Variants in KLF6 observed in about 807,000 individuals in gnomAD.
KLF6 encodes Krueppel-like factor 6.
For missense variants in KLF6, 233 were observed against 359.8 expected, an observed-to-expected ratio of 0.65 and a Z score of 2.85; for synonymous variants, 152 against 147.9, an observed-to-expected ratio of 1.03 and a Z score of -0.20.
chr10:3,781,363 G>A lies in KLF6; in HGVS notation c.676+278C>T, dbSNP rs115506527. Reference sequence around the variant, plus strand: ...CGGATCCCCAGCACTACTAAGGGGTGGGGGGTGGAGGTTTGGGTGTCCGTG... The same window carrying A: ...CGGATCCCCAGCACTACTAAGGGGTAGGGGGTGGAGGTTTGGGTGTCCGTG... On this transcript the variant is annotated intron_variant, in intron 2 of 3. Transcript: ENST00000497571. This position sits in a 1 kb window ranked among gnomAD's most constrained non-coding sequence, Gnocchi z 5.8. 517 of 1,405,834 alleles carry A rather than the reference G, an allele frequency of 3.7e-4. No individual in the cohort carries two copies. The highest frequency in any genetic ancestry group is 4.7e-4 in the Non-Finnish European group (496 of 1,062,294). The allele number at this position is 1,405,834 out of a possible 1,614,324, so 87.1% of individuals were successfully genotyped here.
At position 3,781,163 on chromosome 10, in the gene KLF6, T is replaced by C. The variant is rs1832509124; in HGVS notation, c.676+478A>G. 6.8e-6 allele frequency: 2 copies of C among 295,360 alleles called. No homozygotes were observed. Among genetic ancestry groups the C allele is most frequent in the South Asian group, 1.6e-4 (2 of 12,744 alleles). The allele number at this position is 295,360 out of a possible 1,614,324, so 18.3% of individuals were successfully genotyped here. ...TTCTCAGGAAACACTCGCTGATCAA[T>C]GCTGCTGCTTACAGAGCAGGCCGGT... On this transcript the variant is annotated intron_variant, in intron 2 of 3. Coordinates refer to ENST00000497571, the MANE Select transcript of KLF6 (RefSeq NM_001300.6). The surrounding 1 kb of genome is among the most constrained non-coding windows in gnomAD (Gnocchi z 5.8).
rs1301719862 is a variant in KLF6, at chr10:3,778,895, A to C, written c.*644T>G. 1.9e-6 allele frequency: 1 copy of C among 534,424 alleles called. No individual in the cohort carries two copies. The highest frequency in any genetic ancestry group is 3.6e-6 in the Non-Finnish European group (1 of 276,498). The allele number at this position is 534,424 out of a possible 1,614,324, so 33.1% of individuals were successfully genotyped here. On this transcript the variant is annotated 3_prime_UTR_variant, in exon 4 of 4. Coordinates refer to ENST00000497571, the MANE Select transcript of KLF6 (RefSeq NM_001300.6). ...AAGCTACTTGACACATTGCACATTT[A>C]ATAGCTGCACCAGACACTAAGAGTT...
At chr10:3,784,372 A>C (rs1832599772) in intron 1 of KLF6, among the ~76,000 whole-genome samples, 1 of 152,194 alleles carries the variant, frequency 6.6e-6, no homozygotes, top group Non-Finnish European at 1.5e-5. Flanking sequence ...TTGGTCAACA[A>C]GAGAAGCAGG....
intron 1 of KLF6, among the ~76,000 whole-genome samples, chr10:3,783,558 C>A (rs1832579631): frequency 6.6e-6 from 1 of 152,188 alleles, no homozygotes; most frequent in Non-Finnish European, 1.5e-5. Context: ...CGCACACAGC[C>A]GGTGGGAGCA....
intron 1 of KLF6, among the ~76,000 whole-genome samples, chr10:3,784,333 G>C (rs1021827511): frequency 1.3e-5 from 2 of 152,204 alleles, no homozygotes; most frequent in South Asian, 2.1e-4. Flanking sequence ...CAAGTCACTG[G>C]GGTGTACACA....
In KLF6 at chr10:3,781,758, C is replaced by T. The variant is rs1381298553; in HGVS notation, c.559G>A (p.Gly187Arg). Reference protein sequence around the residue: ...SGTSGKPGDKGNGDASPDGRR... With the variant: ...SGTSGKPGDKRNGDASPDGRR... ...CCGTCGGGGGAGGCATCGCCATTTC[C>T]CTTGTCACCTGGCTTCCCCGAAGTC... The change falls in exon 2 of 4, where the codon GGA becomes AGA. Residue 187 changes from glycine (G) to arginine (R), a missense_variant. Transcript: ENST00000497571. This position sits in a 1 kb window ranked among gnomAD's most constrained non-coding sequence, Gnocchi z 5.8. 8 of 1,614,250 alleles carry T rather than the reference C, an allele frequency of 5.0e-6. No homozygotes were observed. Among genetic ancestry groups the T allele is most frequent in the Non-Finnish European group, 6.8e-6 (8 of 1,180,050 alleles).
In KLF6 at chr10:3,778,605, G is replaced by A. The variant is rs1240111133; in HGVS notation, c.*934C>T. ...TGCACAATGCCTTTCTGGAAGGGGA[G>A]TGTTACAAACTTGGAGGGGAAAAAA... On this transcript the variant is annotated 3_prime_UTR_variant, in exon 4 of 4. Transcript: ENST00000497571. 1.9e-6 allele frequency: 1 copy of A among 515,626 alleles called. No individual in the cohort carries two copies. The highest frequency in any genetic ancestry group is 3.8e-6 in the Non-Finnish European group (1 of 264,992). The allele number at this position is 515,626 out of a possible 1,614,324, so 31.9% of individuals were successfully genotyped here. A position where few individuals can be genotyped will look rare whatever the true frequency, so the allele number is the denominator to read the frequency against.
rs778557971 is a variant in KLF6, at chr10:3,777,359, C to T, written c.*2180G>A. ...ATCTACTTGCTGGAAAAAATAGCTT[C>T]ATCTGCATAAAAAGTGTTCTACAAA... On this transcript the variant is annotated 3_prime_UTR_variant, in exon 4 of 4. Coordinates refer to ENST00000497571, the MANE Select transcript of KLF6 (RefSeq NM_001300.6). The T allele has an allele frequency of 1.9e-6, 1 of 513,660 alleles. No individual in the cohort carries two copies. The highest frequency in any genetic ancestry group is 2.3e-5 in the Admixed American group (1 of 44,276). The allele number at this position is 513,660 out of a possible 1,614,324, so 31.8% of individuals were successfully genotyped here.
In KLF6 at chr10:3,776,306, G is replaced by T. The variant is rs773597282; in HGVS notation, c.*3233C>A. On this transcript the variant is annotated 3_prime_UTR_variant, in exon 4 of 4. Transcript: ENST00000497571. ...ATGGTTCCCTACTGTGCCCACAGCC[G>T]GGGGGTTGTTTTTGTCAGTCCTTGG... The T allele has an allele frequency of 1.9e-6, 1 of 531,736 alleles. No individual in the cohort carries two copies. Among genetic ancestry groups the T allele is most frequent in the South Asian group, 1.5e-5 (1 of 65,128 alleles). 32.9% of individuals were successfully genotyped at this position (531,736 alleles called of 1,614,324 possible). A position where few individuals can be genotyped will look rare whatever the true frequency, so the allele number is the denominator to read the frequency against.
chr10:3,782,275 A>G lies in KLF6; in HGVS notation c.103-61T>C, dbSNP rs974830347. 22 of 1,404,242 alleles carry G rather than the reference A, an allele frequency of 1.6e-5. No individual in the cohort carries two copies. The East Asian group carries it at 3.4e-4, about 22-fold the overall frequency. 87.0% of individuals were successfully genotyped at this position (1,404,242 alleles called of 1,614,324 possible). A position where few individuals can be genotyped will look rare whatever the true frequency, so the allele number is the denominator to read the frequency against. ...CATGACGACCAAAAGTAAAAGCAAAAGCAATTTCCAAAAACATGCAAGAAT... is the reference window on the plus strand; with the variant it reads ...CATGACGACCAAAAGTAAAAGCAAAGGCAATTTCCAAAAACATGCAAGAAT... On this transcript the variant is annotated intron_variant, in intron 1 of 3. Coordinates refer to ENST00000497571, the MANE Select transcript of KLF6 (RefSeq NM_001300.6). This position sits in a 1 kb window ranked among gnomAD's most constrained non-coding sequence, Gnocchi z 4.3.
chr10:3,781,987 G>A lies in KLF6; in HGVS notation c.330C>T (p.Ser110=), dbSNP rs749066377. ...ETNSLNSDVS[S]ESSDSSEELS... is the part of the protein sequence containing the mutation. ...GTTCCTCGGAGCTGTCAGAGGATTCGCTGCTGACATCTGAGTTCAGGCTGT... is the reference window on the plus strand; with the variant it reads ...GTTCCTCGGAGCTGTCAGAGGATTCACTGCTGACATCTGAGTTCAGGCTGT... The change falls in exon 2 of 4, where the codon AGC becomes AGT. Residue 110 remains serine (S), a synonymous_variant. Coordinates refer to ENST00000497571, the MANE Select transcript of KLF6 (RefSeq NM_001300.6). The surrounding 1 kb of genome is among the most constrained non-coding windows in gnomAD (Gnocchi z 5.8). 13 of 1,613,940 alleles carry A rather than the reference G, an allele frequency of 8.1e-6. 1 individual carries two copies. Among genetic ancestry groups the A allele is most frequent in the Middle Eastern group, 1.6e-4 (1 of 6,084 alleles).
rs1195670416 is a variant in KLF6 at position 3,776,131 on chromosome 10, G to A, written c.*3408C>T. ...CATGCCTCAGCCAGGTGTGTGGCAG[G>A]GCTGGCTGGGGAAGGTAGGCCCAGC... On this transcript the variant is annotated 3_prime_UTR_variant, in exon 4 of 4. Transcript: ENST00000497571. The A allele has an allele frequency of 1.9e-6, 1 of 529,988 alleles. No individual in the cohort carries two copies. The highest frequency in any genetic ancestry group is 3.7e-6 in the Non-Finnish European group (1 of 273,572). The allele number at this position is 529,988 out of a possible 1,614,324, so 32.8% of individuals were successfully genotyped here. A position where few individuals can be genotyped will look rare whatever the true frequency, so the allele number is the denominator to read the frequency against.
Position 3,785,036 on chromosome 10 carries a change from C to G in KLF6, c.-22G>C. On this transcript the variant is annotated 5_prime_UTR_variant, in exon 1 of 4. Transcript: ENST00000497571. ...CCATGTCGGGCCGGGTTGGACGGAG[C>G]CCGCGGTCGCGAGGGCGGCGAGGCG... 6.2e-7 allele frequency: 1 copy of G among 1,610,818 alleles called. No homozygotes were observed. The highest frequency in any genetic ancestry group is 1.1e-5 in the South Asian group (1 of 90,876).
In KLF6 at chr10:3,778,164, A is replaced by G. The variant is rs943995667; in HGVS notation, c.*1375T>C. On this transcript the variant is annotated 3_prime_UTR_variant, in exon 4 of 4. Coordinates refer to ENST00000497571, the MANE Select transcript of KLF6 (RefSeq NM_001300.6). ...CTATGTCTTTGTGAAGGAGGACCTT[A>G]AAGAGATTTTTTTTCTGTATTATAC... 1.9e-6 allele frequency: 1 copy of G among 521,054 alleles called. No homozygotes were observed. Among genetic ancestry groups the G allele is most frequent in the Non-Finnish European group, 3.7e-6 (1 of 267,992 alleles). The allele number at this position is 521,054 out of a possible 1,614,324, so 32.3% of individuals were successfully genotyped here.
In KLF6 at chr10:3,780,358, C is replaced by T. The variant is rs563194387; in HGVS notation, c.677-129G>A. 3 of 1,088,286 alleles carry T rather than the reference C, an allele frequency of 2.8e-6. No homozygotes were observed. The highest frequency in any genetic ancestry group is 2.5e-5 in the South Asian group (2 of 79,468). The allele number at this position is 1,088,286 out of a possible 1,614,324, so 67.4% of individuals were successfully genotyped here. A position where few individuals can be genotyped will look rare whatever the true frequency, so the allele number is the denominator to read the frequency against. On this transcript the variant is annotated intron_variant, in intron 2 of 3. Transcript: ENST00000497571. This position sits in a 1 kb window ranked among gnomAD's most constrained non-coding sequence, Gnocchi z 4.6. The stretch of plus-strand genomic sequence containing the variant: ...CCAGTGGCTTCTGGCATCGGTAACA[C>T]ACAACAACTGGCAGCCTCAGAGAGA...
Position 3,782,498 on chromosome 10 carries a change from T to G in KLF6, c.103-284A>C, listed in dbSNP as rs947508387. Among the ~76,000 whole-genome samples the G allele has an allele frequency of 6.6e-6, 1 of 152,228 alleles. No individual in the cohort carries two copies. On this transcript the variant is annotated intron_variant, in intron 1 of 3. Transcript: ENST00000497571. The surrounding 1 kb of genome is among the most constrained non-coding windows in gnomAD (Gnocchi z 4.3). The stretch of plus-strand genomic sequence containing the variant: ...CAATGAGTGATGATCACTAAGCCGG[T>G]TTTTTTGTTGTAGTTACCAGTGTTG...
chr10:3,781,582 T>TA lies in KLF6; in HGVS notation c.676+58_676+59insT, dbSNP rs1039231990. The stretch of plus-strand genomic sequence containing the variant: ...AGCCAGGCCCGGCTCCCTCCAGGGC[T>TA]GGTGCAATGCAGTGGCGCCCACCAG... On this transcript the variant is annotated intron_variant, in intron 2 of 3. Coordinates refer to ENST00000497571, the MANE Select transcript of KLF6 (RefSeq NM_001300.6). This position sits in a 1 kb window ranked among gnomAD's most constrained non-coding sequence, Gnocchi z 5.8. The TA allele has an allele frequency of 6.2e-7, 1 of 1,600,814 alleles. No homozygotes were observed. The highest frequency in any genetic ancestry group is 1.3e-5 in the African/African-American group (1 of 74,608).
In KLF6 at chr10:3,777,780, A is replaced by G; in HGVS notation, c.*1759T>C. 2 of 448,930 alleles carry G rather than the reference A, an allele frequency of 4.5e-6. No individual in the cohort carries two copies. The highest frequency in any genetic ancestry group is 3.4e-5 in the South Asian group (2 of 58,984). 27.8% of individuals were successfully genotyped at this position (448,930 alleles called of 1,614,324 possible). On this transcript the variant is annotated 3_prime_UTR_variant, in exon 4 of 4. Coordinates refer to ENST00000497571, the MANE Select transcript of KLF6 (RefSeq NM_001300.6). ...ATATAATATATATATATACACACATACACATACTGTACACACAAATATACA... is the reference window on the plus strand; with the variant it reads ...ATATAATATATATATATACACACATGCACATACTGTACACACAAATATACA...
intron 3 of KLF6, 100 bp from the exon 4 acceptor site, chr10:3,779,690 C>T (rs531654462): frequency 1.5e-5 from 16 of 1,075,152 alleles, no homozygotes; most frequent in Non-Finnish European, 2.3e-5. Context: ...CAGCCTAACC[C>T]CCTGCAGGGA....
Sources: allele counts gnomAD v4.1 joint callset (sites outside exome capture counted in the v4.1 genomes callset), GRCh38; gene constraint gnomAD v4.1.1; non-coding constraint Gnocchi (gnomAD v3.1); transcripts MANE v1.5; gene names NCBI Gene and HGNC (gene_info 2026-07-23, HGNC 2026-07-21).